The following OPCML variants were observed in gnomAD, a reference collection of about 807,000 sequenced individuals.
OPCML encodes the protein opioid binding protein/cell adhesion molecule like.
Under a neutral mutation model 37.8 loss-of-function variants are expected in OPCML, and 13 were observed. The observed-to-expected ratio is 0.34, with a 90% confidence interval of 0.22 to 0.55. OPCML has a LOEUF of 0.55. Ranked by LOEUF, OPCML falls within the 20% of genes least tolerant of loss-of-function variation. The probability of loss-of-function intolerance (pLI) is 0.91; values close to 1 mark genes in which losing one functional copy is unlikely to be tolerated. For missense variants in OPCML, 341 were observed against 435.6 expected (o/e 0.78, Z 1.93); for synonymous variants, 176 against 168.8 (o/e 1.04, Z -0.33).
chr11:132,878,450 C>A (rs913577927), intron 2 of OPCML, among the ~76,000 whole-genome samples: 2 of 152,174 alleles, frequency 1.3e-5, no homozygotes, highest in African/African-American at 4.8e-5. Flanking sequence ...TCTCTCCCTG[C>A]CTGATGGGCT....
chr11:132,944,961 T>C lies in OPCML; in HGVS notation c.62-1951A>G, dbSNP rs1044434004. ...AAATAAGCATTAAGCTCTTATCGTT[T>C]ATTACTTTAGTTGCTGAAGGATACA... On this transcript the variant is annotated intron_variant, in intron 1 of 7. Transcript: ENST00000524381. Among the ~76,000 whole-genome samples, 21 of 152,374 alleles carry C rather than the reference T, an allele frequency of 1.4e-4. No individual in the cohort carries two copies. In the South Asian group the frequency reaches 4.1e-3, roughly 30 times the overall value.
At chr11:133,358,998 G>A (rs1037580274) in intron 1 of OPCML, among the ~76,000 whole-genome samples, 15 of 151,988 alleles carry the variant, frequency 9.9e-5, no homozygotes, top group Non-Finnish European at 2.1e-4. Flanking sequence ...ATGATTTGGG[G>A]GAGGGGGCCT....
At chr11:132,441,328 C>T (rs939959923) in intron 4 of OPCML, among the ~76,000 whole-genome samples, 5 of 150,632 alleles carry the variant, frequency 3.3e-5, no homozygotes, top group East Asian at 1.9e-4. Flanking sequence ...CCACTACGCC[C>T]GGCTAATTTT....
chr11:133,196,966 C>G (rs1173540630), intron 1 of OPCML, among the ~76,000 whole-genome samples: 1 of 152,190 alleles, frequency 6.6e-6, no homozygotes, highest in Non-Finnish European at 1.5e-5. Context: ...CTAGTAAAGA[C>G]AGGGTGCAGA....
At chr11:133,163,038 G>A (rs997956331) in intron 1 of OPCML, among the ~76,000 whole-genome samples, 1 of 152,206 alleles carries the variant, frequency 6.6e-6, no homozygotes, top group Non-Finnish European at 1.5e-5. Context: ...TGATAACATA[G>A]GTAGTGTGTC....
rs542652753 is a variant in OPCML, at chr11:133,506,174, G to A, written c.61+26090C>T. On this transcript the variant is annotated intron_variant, in intron 1 of 7. Transcript: ENST00000524381. ...GTAGGTATTTTCATTCCTTCCCAAC[G>A]TTTAAAATAATGGAGGCCCCTGGAA... 1.8e-4 allele frequency among the ~76,000 whole-genome samples: 28 copies of A among 152,276 alleles called. No individual in the cohort carries two copies. The South Asian group carries it at 4.8e-3, about 26-fold the overall frequency.
At chr11:133,161,686 A>T (rs948268415) in intron 1 of OPCML, among the ~76,000 whole-genome samples, 4 of 152,204 alleles carry the variant, frequency 2.6e-5, no homozygotes, top group Non-Finnish European at 4.4e-5. Flanking sequence ...TTGTAATTTG[A>T]TTATTAACTG....
chr11:133,259,116 C>A (rs1463327405), intron 1 of OPCML, among the ~76,000 whole-genome samples: 1 of 152,178 alleles, frequency 6.6e-6, no homozygotes, highest in East Asian at 1.9e-4. Flanking sequence ...TTTCCTACCT[C>A]CCCCTTCATT....
At chr11:132,446,103 CTTTTT>C (rs58784534) in intron 4 of OPCML, among the ~76,000 whole-genome samples, 11 of 48,504 alleles carry the variant, frequency 2.3e-4, no homozygotes, top group African/African-American at 8.1e-4. Context: ...CTGCTTGTGT[CTTTTT>C]TTTTTTTTTT....
chr11:132,751,317 G>T lies in OPCML; in HGVS notation c.147-93998C>A, dbSNP rs545240106. On this transcript the variant is annotated intron_variant, in intron 2 of 7. Transcript: ENST00000524381. Reference sequence around the variant, plus strand: ...ACTCTGCTCCTGAGATGCTCTGAATGCTTCTAAGTCTCTCTAAACACTGCC... The same window carrying T: ...ACTCTGCTCCTGAGATGCTCTGAATTCTTCTAAGTCTCTCTAAACACTGCC... Among the ~76,000 whole-genome samples, 12 of 152,264 alleles carry T rather than the reference G, an allele frequency of 7.9e-5. No individual in the cohort carries two copies. In the South Asian group the frequency reaches 2.3e-3, roughly 29 times the overall value.
At chr11:133,209,622 C>T (rs771441636) in intron 1 of OPCML, among the ~76,000 whole-genome samples, 6 of 152,144 alleles carry the variant, frequency 3.9e-5, no homozygotes, top group African/African-American at 7.2e-5. Flanking sequence ...GATAGAGGAA[C>T]GTTGCTTACT....
intron 1 of OPCML, among the ~76,000 whole-genome samples, chr11:133,340,608 CTGTGT>C (rs1294990686): frequency 1.4e-5 from 2 of 139,432 alleles, no homozygotes; most frequent in African/African-American, 5.4e-5. Flanking sequence ...AAGACTCTCT[CTGTGT>C]GTGTGTGTGT....
chr11:133,426,914 G>C (rs1406558124), intron 1 of OPCML, among the ~76,000 whole-genome samples: 8 of 152,116 alleles, frequency 5.3e-5, no homozygotes, highest in African/African-American at 1.7e-4. Context: ...AGTGAAAATA[G>C]GTATATCTGT....
At position 132,861,963 on chromosome 11, in the gene OPCML, CT is replaced by C. The variant is rs1375055117; in HGVS notation, c.146+80962del. On this transcript the variant is annotated intron_variant, in intron 2 of 7. Transcript: ENST00000524381. Reference sequence around the variant, plus strand: ...GTACTTGTTTAGTCTTTTTGTTTTCCTTTAAATCATTTCTTCGAGTTACATT... The same window carrying C: ...GTACTTGTTTAGTCTTTTTGTTTTCCTTAAATCATTTCTTCGAGTTACATT... Among the ~76,000 whole-genome samples, 3 of 151,000 alleles carry C rather than the reference CT, an allele frequency of 2.0e-5. No homozygotes were observed. In the South Asian group the frequency reaches 6.3e-4, roughly 31 times the overall value.
chr11:132,434,507 C>T (rs1445185093), intron 7 of OPCML, among the ~76,000 whole-genome samples: 2 of 152,110 alleles, frequency 1.3e-5, no homozygotes, highest in African/African-American at 2.4e-5. Context: ...TAATACAGGG[C>T]TCCATCTCTA....
Position 133,437,698 on chromosome 11 carries a change from GCTCACCTC to G in OPCML, c.61+94558_61+94565del, listed in dbSNP as rs1565633289. On this transcript the variant is annotated intron_variant, in intron 1 of 7. Coordinates refer to ENST00000524381, the MANE Select transcript of OPCML (RefSeq NM_001012393.5). ...CGCTCACCTCTCCCCTCTCAACCCC[GCTCACCTC>G]TCCCCTCTCAACCCCGCTCACCTCT... 6.3e-3 allele frequency among the ~76,000 whole-genome samples: 532 copies of G among 84,124 alleles called. 9 individuals are homozygous for G. Among genetic ancestry groups the G allele is most frequent in the African/African-American group, 0.026 (495 of 18,924 alleles). 55.2% of individuals were successfully genotyped at this position (84,124 alleles called of 152,430 possible). A position where few individuals can be genotyped will look rare whatever the true frequency, so the allele number is the denominator to read the frequency against.
intron 2 of OPCML, among the ~76,000 whole-genome samples, chr11:132,720,130 T>C (rs893232093): frequency 6.6e-6 from 1 of 152,240 alleles, no homozygotes; most frequent in Non-Finnish European, 1.5e-5. Context: ...GGATTTTACA[T>C]CAATCTCTGT....
chr11:133,352,323 C>A (rs1944159520), intron 1 of OPCML, among the ~76,000 whole-genome samples: 1 of 152,172 alleles, frequency 6.6e-6, no homozygotes, highest in Non-Finnish European at 1.5e-5. Flanking sequence ...CTGAAGCAAG[C>A]AGTGCTTGCT....
At chr11:133,386,925 A>C (rs537383730) in intron 1 of OPCML, among the ~76,000 whole-genome samples, 1 of 152,286 alleles carries the variant, frequency 6.6e-6, no homozygotes, top group South Asian at 2.1e-4. Context: ...GGCTGAGTGA[A>C]TGCTTGGAGG....
Sources: allele counts gnomAD v4.1 joint callset (sites outside exome capture counted in the v4.1 genomes callset), GRCh38; gene constraint gnomAD v4.1.1; transcripts MANE v1.5; gene names NCBI Gene and HGNC (gene_info 2026-07-23, HGNC 2026-07-21).